CES4A: variants seen among roughly 807,000 people sequenced by gnomAD.
CES4A encodes the protein carboxylesterase 4A.
CES4A carries 48 observed loss-of-function variants against 65.4 expected under a neutral mutation model. The observed-to-expected ratio is 0.73, with a 90% CI of 0.58 to 0.93. CES4A has a LOEUF of 0.93. CES4A is among the 40% of genes least tolerant of loss of function. The pLI, the probability that CES4A is intolerant of heterozygous loss-of-function variation, is 0.00. For missense variants in CES4A, 685 were observed against 728.5 expected (o/e 0.94, Z 0.69); for synonymous variants, 247 against 281.8 (o/e 0.88, Z 1.24).
exon 14 of CES4A, chr16:67,009,038 C>T (rs2145682236): frequency 6.2e-7 from 1 of 1,614,188 alleles, no homozygotes; most frequent in South Asian, 1.1e-5. Context: ...GTACCTGCAG[C>T]TGGATTTTAC....
chr16:67,005,011 G>T, intron 10 of CES4A, 138 bp downstream of exon 10: 1 of 785,752 alleles, frequency 1.3e-6, no homozygotes, highest in Non-Finnish European at 2.1e-6. Flanking sequence ...GGTTTGCTGT[G>T]GGATCAGATG....
At chr16:66,995,726 G>A (rs1964793393) in exon 2 of CES4A, 21 of 1,614,222 alleles carry the variant, frequency 1.3e-5, no homozygotes, top group Non-Finnish European at 1.7e-5. Flanking sequence ...AGTCTTTTTA[G>A]GAGTCCCCTT....
At chr16:66,988,873 C>T in intron 1 of CES4A, 43 bp downstream of exon 1, 2 of 1,536,760 alleles carry the variant, frequency 1.3e-6, no homozygotes, top group South Asian at 1.2e-5. Context: ...GCAAGACGGG[C>T]ACAAGGGATG....
chr16:66,995,788 G>C, exon 2 of CES4A: 1 of 1,614,148 alleles, frequency 6.2e-7, no homozygotes, highest in East Asian at 2.2e-5. Context: ...AACCCCCGGA[G>C]CCCTGGAAAG....
intron 9 of CES4A, 74 bp downstream of exon 9, chr16:67,004,298 T>C: frequency 2.6e-6 from 4 of 1,546,612 alleles, no homozygotes; most frequent in Non-Finnish European, 3.5e-6. Flanking sequence ...GAAGGATGCC[T>C]CTTGGACGGT....
At chr16:66,997,417 G>A (rs1964941934) in intron 2 of CES4A, among the ~76,000 whole-genome samples, 1 of 152,170 alleles carries the variant, frequency 6.6e-6, no homozygotes, top group Non-Finnish European at 1.5e-5. Flanking sequence ...TGGTTGGGGT[G>A]GGCAGCGGGA....
chr16:66,996,042 T>A, intron 2 of CES4A: 2 of 688,024 alleles, frequency 2.9e-6, no homozygotes, highest in Non-Finnish European at 5.3e-6. Flanking sequence ...TTTTTGTTTT[T>A]GTTTTTGTTT....
Position 67,001,106 on chromosome 16 carries a change from G to A in CES4A, c.536+116G>A, listed in dbSNP as rs1965299307. 1 of 1,254,932 alleles carries A rather than the reference G, an allele frequency of 8.0e-7. No individual in the cohort carries two copies. The highest frequency in any genetic ancestry group is 1.5e-5 in the African/African-American group (1 of 66,326). 77.7% of individuals were successfully genotyped at this position (1,254,932 alleles called of 1,614,324 possible). On this transcript the variant is annotated intron_variant, in intron 4 of 13. Coordinates refer to ENST00000648724, the Ensembl canonical transcript of CES4A. This position sits in a 1 kb window ranked among gnomAD's most constrained non-coding sequence, Gnocchi z 4.1. ...GGGGGGGGTGGGGCCGCGAGGCGGGGGCGGGGCCTGGCGCTCGGTGGAAGG... is the reference window on the plus strand; with the variant it reads ...GGGGGGGGTGGGGCCGCGAGGCGGGAGCGGGGCCTGGCGCTCGGTGGAAGG...
intron 2 of CES4A, among the ~76,000 whole-genome samples, chr16:66,998,664 C>T (rs1265269549): frequency 2.0e-5 from 3 of 151,998 alleles, no homozygotes; most frequent in Non-Finnish European, 4.4e-5. Context: ...GTCAGGAGTT[C>T]GAGACCAGCC....
At position 67,001,004 on chromosome 16, in the gene CES4A, T is replaced by C. The variant is rs1181884126; in HGVS notation, c.536+14T>C. Reference sequence around the variant, plus strand: ...CGGCTTCCTGAGGTGGCGGGGCCGGTACCCTTTGGGACCGCAGCTGTGGCC... The same window carrying C: ...CGGCTTCCTGAGGTGGCGGGGCCGGCACCCTTTGGGACCGCAGCTGTGGCC... On this transcript the variant is annotated intron_variant, in intron 4 of 13. Transcript: ENST00000648724. The surrounding 1 kb of genome is among the most constrained non-coding windows in gnomAD (Gnocchi z 4.1). The C allele has an allele frequency of 6.3e-7, 1 of 1,585,934 alleles. No homozygotes were observed.
At position 67,001,274 on chromosome 16, in the gene CES4A, C is replaced by T. The variant is rs1202188880; in HGVS notation, c.537-34C>T. The T allele has an allele frequency of 6.4e-7, 1 of 1,557,696 alleles. No homozygotes were observed. Among genetic ancestry groups the T allele is most frequent in the Admixed American group, 1.9e-5 (1 of 53,902 alleles). ...GCCCAACGCGCCCCGACTGTCGAGG[C>T]CCGGGACCCTGACAGTGAACCCCAC... On this transcript the variant is annotated intron_variant, in intron 4 of 13. Coordinates refer to ENST00000648724, the Ensembl canonical transcript of CES4A. This position sits in a 1 kb window ranked among gnomAD's most constrained non-coding sequence, Gnocchi z 4.1.
At chr16:66,995,812 T>C in exon 2 of CES4A, 2 of 1,613,788 alleles carry the variant, frequency 1.2e-6, no homozygotes, top group African/African-American at 1.3e-5. Flanking sequence ...TCAGAGATGC[T>C]ACCACCTACC....
rs778364864 is a variant in CES4A, at chr16:67,001,475, C to G, written c.690+14C>G. 49 of 1,585,192 alleles carry G rather than the reference C, an allele frequency of 3.1e-5. No individual in the cohort carries two copies. Among genetic ancestry groups the G allele is most frequent in the Non-Finnish European group, 3.9e-5 (45 of 1,166,110 alleles). ...ATCTCAGGACTGGTGAGAGCAATGCCCAGACGGACCGAGCACAGACTTAGG... is the reference window on the plus strand; with the variant it reads ...ATCTCAGGACTGGTGAGAGCAATGCGCAGACGGACCGAGCACAGACTTAGG... On this transcript the variant is annotated intron_variant, in intron 5 of 13. Transcript: ENST00000648724. This position sits in a 1 kb window ranked among gnomAD's most constrained non-coding sequence, Gnocchi z 4.1.
intron 1 of CES4A, among the ~76,000 whole-genome samples, chr16:66,990,047 CTTTTTTTTTT>C (rs1009395226): frequency 4.9e-5 from 6 of 121,446 alleles, no homozygotes; most frequent in African/African-American, 9.6e-5. Flanking sequence ...TTCATCTTTT[CTTTTTTTTTT>C]TTTTTTTTTT....
At chr16:66,996,063 G>A (rs1597064324) in intron 2 of CES4A, 1 of 637,570 alleles carries the variant, frequency 1.6e-6, no homozygotes, top group East Asian at 3.2e-5. Flanking sequence ...TTTTTAGATG[G>A]AGTCTCGCTC....
chr16:66,999,654 T>C (rs1213438433), intron 2 of CES4A, among the ~76,000 whole-genome samples: 1 of 152,140 alleles, frequency 6.6e-6, no homozygotes, highest in Non-Finnish European at 1.5e-5. Flanking sequence ...ATACAAAAAT[T>C]AGCTGGGTGT....
intron 1 of CES4A, among the ~76,000 whole-genome samples, chr16:66,990,469 G>A (rs1964302005): frequency 6.6e-6 from 1 of 152,122 alleles, no homozygotes; most frequent in South Asian, 2.1e-4. Flanking sequence ...GTCTGATGTG[G>A]GAGGATTGCT....
intron 9 of CES4A, among the ~76,000 whole-genome samples, chr16:67,004,483 T>A (rs1253073950): frequency 6.6e-6 from 1 of 152,182 alleles, no homozygotes; most frequent in African/African-American, 2.4e-5. Flanking sequence ...TTAGATGGGT[T>A]ATGATGTTCA....
At chr16:66,992,245 G>A (rs1161982229) in intron 1 of CES4A, among the ~76,000 whole-genome samples, 2 of 152,238 alleles carry the variant, frequency 1.3e-5, no homozygotes, top group Non-Finnish European at 2.9e-5. Flanking sequence ...CTGCACAAAC[G>A]GGAGATTTGA....
Sources: gnomAD v4.1 joint callset for allele counts (sites outside exome capture counted in the v4.1 genomes callset) on GRCh38, gnomAD v4.1.1 for gene constraint, Gnocchi (gnomAD v3.1) non-coding constraint, MANE v1.5 for transcripts, NCBI Gene and HGNC (gene_info 2026-07-23, HGNC 2026-07-21) for gene names.